CTNNA2: variants seen among roughly 807,000 people sequenced by gnomAD.
The protein encoded by CTNNA2 is catenin alpha 2, also known as catenin alpha-2.
Under a neutral mutation model 101.0 loss-of-function variants are expected in CTNNA2, and 42 were observed. The observed-to-expected ratio is 0.42, with a 90% confidence interval of 0.32 to 0.54. CTNNA2 has a LOEUF of 0.54. Among genes scored for constraint, CTNNA2 ranks in the 20% least tolerant of loss-of-function variants. The pLI is 0.14. For synonymous variants in CTNNA2, 450 were observed against 456.4 expected (o/e 0.99, Z 0.18); for missense variants, 871 against 1,223.1 (o/e 0.71, Z 4.29).
intron 2 of CTNNA2, among the ~76,000 whole-genome samples, chr2:79,737,559 T>C (rs1440283446): frequency 6.6e-6 from 1 of 152,154 alleles, no homozygotes; most frequent in East Asian, 1.9e-4. Flanking sequence ...TCTAGGGGAA[T>C]GTTAGGGATG....
intron 7 of CTNNA2, among the ~76,000 whole-genome samples, chr2:80,153,097 AT>A (rs1328850153): frequency 1.3e-5 from 2 of 152,180 alleles, no homozygotes; most frequent in African/African-American, 4.8e-5. Context: ...CCGGTGCCAA[AT>A]TTAGCATCCA....
chr2:79,783,747 T>G (rs536152292), intron 3 of CTNNA2, among the ~76,000 whole-genome samples: 131 of 152,296 alleles, frequency 8.6e-4, no homozygotes, highest in African/African-American at 2.9e-3. Flanking sequence ...TGCACACACA[T>G]ACATGCTTAT....
chr2:79,283,711 CT>C (rs1401189718), intron 2 of CTNNA2, among the ~76,000 whole-genome samples: 1 of 70,364 alleles, frequency 1.4e-5, no homozygotes, highest in African/African-American at 4.3e-5. Context: ...CAGCTTTGTT[CT>C]TTTGGCTTAG....
At chr2:79,389,122 C>G (rs1212846469) in intron 4 of CTNNA2, among the ~76,000 whole-genome samples, 2 of 152,160 alleles carry the variant, frequency 1.3e-5, no homozygotes, top group Non-Finnish European at 2.9e-5. Context: ...TTTGGGAGAA[C>G]ATGTTGATAC....
At chr2:79,252,170 A>T (rs1674781667) in intron 2 of CTNNA2, among the ~76,000 whole-genome samples, 1 of 152,204 alleles carries the variant, frequency 6.6e-6, no homozygotes, top group African/African-American at 2.4e-5. Context: ...CAGCTCTGCA[A>T]GAATATAGAG....
chr2:79,231,108 T>A (rs1674486459), intron 2 of CTNNA2, among the ~76,000 whole-genome samples: 1 of 152,114 alleles, frequency 6.6e-6, no homozygotes, highest in Admixed American at 6.5e-5. Flanking sequence ...TGGGGGACTG[T>A]TGGGAAGGCA....
chr2:80,095,452 G>A (rs1418535953), intron 7 of CTNNA2, among the ~76,000 whole-genome samples: 1 of 152,192 alleles, frequency 6.6e-6, no homozygotes, highest in Non-Finnish European at 1.5e-5. Flanking sequence ...AAGGATATTG[G>A]TCTAAAATTC....
intron 7 of CTNNA2, among the ~76,000 whole-genome samples, chr2:80,053,363 T>C (rs1452026900): frequency 6.6e-6 from 1 of 152,224 alleles, no homozygotes; most frequent in Non-Finnish European, 1.5e-5. Context: ...AACACAACTT[T>C]ATAGTTGAGC....
chr2:79,210,088 T>TTTTCTGTGTGTGTGTGTGTGTG (rs112984318), intron 2 of CTNNA2, among the ~76,000 whole-genome samples: 1 of 144,788 alleles, frequency 6.9e-6, no homozygotes, highest in Non-Finnish European at 1.5e-5. Context: ...TCAAGCTATA[T>TTTTCTGTGTGTGTGTGTGTGTG]TGTGTGTGTG....
At chr2:79,379,467 T>C (rs1206077249) in intron 4 of CTNNA2, among the ~76,000 whole-genome samples, 1 of 152,210 alleles carries the variant, frequency 6.6e-6, no homozygotes, top group African/African-American at 2.4e-5. Flanking sequence ...ATAGCACTTA[T>C]CATACTGCAT....
chr2:80,557,710 T>C (rs932489816), intron 12 of CTNNA2, among the ~76,000 whole-genome samples: 1 of 152,212 alleles, frequency 6.6e-6, no homozygotes, highest in African/African-American at 2.4e-5. Flanking sequence ...TCTTATTGTA[T>C]CTTGGACTGC....
chr2:79,603,889 C>T (rs527722961), intron 1 of CTNNA2, among the ~76,000 whole-genome samples: 1 of 152,278 alleles, frequency 6.6e-6, no homozygotes, highest in East Asian at 1.9e-4. Context: ...CTTTCTTACT[C>T]TGCAACTGGC....
chr2:79,354,502 T>C (rs1359231337), intron 3 of CTNNA2, among the ~76,000 whole-genome samples: 1 of 152,224 alleles, frequency 6.6e-6, no homozygotes, highest in Non-Finnish European at 1.5e-5. Context: ...ATAGAATTCC[T>C]GTAGTGAATT....
At chr2:80,514,645 T>G (rs963299568) in intron 9 of CTNNA2, among the ~76,000 whole-genome samples, 1 of 152,006 alleles carries the variant, frequency 6.6e-6, no homozygotes, top group African/African-American at 2.4e-5. Flanking sequence ...CAGGTAAACT[T>G]CCTTGAAGTC....
In CTNNA2 at chr2:79,322,631, A is replaced by C. The variant is rs1453817883; in HGVS notation, c.-318+9835A>C. Among the ~76,000 whole-genome samples, 5 of 152,176 alleles carry C rather than the reference A, an allele frequency of 3.3e-5. No homozygotes were observed. In the East Asian group the frequency reaches 5.8e-4, roughly 18 times the overall value. On this transcript the variant is annotated intron_variant, in intron 3 of 21. Transcript: ENST00000466387. ...CAGGCTATCTTGAAAGACACAGAGC[A>C]TATTCTCATCCACTTCTATGACAAT...
intron 2 of CTNNA2, among the ~76,000 whole-genome samples, chr2:79,679,139 C>A (rs946164977): frequency 6.6e-6 from 1 of 152,164 alleles, no homozygotes; most frequent in Non-Finnish European, 1.5e-5. Context: ...AACTGTGTTT[C>A]GCCTCCTAGA....
chr2:79,491,021 C>T (rs1671202940), intron 4 of CTNNA2, among the ~76,000 whole-genome samples: 1 of 151,952 alleles, frequency 6.6e-6, no homozygotes, highest in African/African-American at 2.4e-5. Flanking sequence ...AGAGAGCTTC[C>T]CATCAAAGCA....
chr2:80,311,389 G>C (rs370322708), intron 7 of CTNNA2, among the ~76,000 whole-genome samples: 2 of 151,992 alleles, frequency 1.3e-5, no homozygotes, highest in East Asian at 3.9e-4. Flanking sequence ...CATGTTTTGG[G>C]GCCCCTCTCC....
intron 7 of CTNNA2, among the ~76,000 whole-genome samples, chr2:79,943,613 C>T (rs1166707028): frequency 6.6e-6 from 1 of 152,182 alleles, no homozygotes; most frequent in Non-Finnish European, 1.5e-5. Context: ...TTAAAGTTTT[C>T]CCAAAGCACC....
Sources: gnomAD v4.1 joint callset for allele counts (sites outside exome capture counted in the v4.1 genomes callset) on GRCh38, gnomAD v4.1.1 for gene constraint, MANE v1.5 for transcripts, NCBI Gene and HGNC (gene_info 2026-07-23, HGNC 2026-07-21) for gene names.